Variants in ORC5 observed in about 807,000 individuals in gnomAD.
ORC5 encodes the protein origin recognition complex subunit 5.
In ORC5, 39 loss-of-function variants were observed where a neutral mutation model predicts 58.8. The ratio of observed to expected loss-of-function variants is 0.66; its 90% CI spans 0.51 to 0.87. The LOEUF (loss-of-function observed/expected upper bound fraction) is 0.87, where lower values mean the gene tolerates loss of function less well. Ranked by LOEUF, ORC5 falls within the 40% of genes least tolerant of loss-of-function variation. ORC5 has a pLI of 0.00. For synonymous variants in ORC5, 218 were observed against 177.6 expected, an observed-to-expected ratio of 1.23 and a Z score of -1.81; for missense variants, 493 against 506.3, an observed-to-expected ratio of 0.97 and a Z score of 0.25.
intron 8 of ORC5, among the ~76,000 whole-genome samples, chr7:104,178,497 C>A (rs1381016794): frequency 6.6e-6 from 1 of 152,020 alleles, no homozygotes; most frequent in Non-Finnish European, 1.5e-5. Context: ...AAATTTTCTC[C>A]CATTCCATAG....
intron 1 of ORC5, among the ~76,000 whole-genome samples, chr7:104,205,182 C>A (rs182306139): frequency 2.0e-5 from 3 of 149,346 alleles, no homozygotes; most frequent in African/African-American, 7.4e-5. Context: ...CTCTGCCTCC[C>A]GGGTTTAAGC....
intron 12 of ORC5, among the ~76,000 whole-genome samples, chr7:104,148,807 G>T (rs984977272): frequency 4.6e-5 from 7 of 152,150 alleles, no homozygotes; most frequent in Non-Finnish European, 8.8e-5. Flanking sequence ...GCCGAGGCAG[G>T]CAGATCACTT....
chr7:104,189,031 A>G (rs1799613895), intron 5 of ORC5, among the ~76,000 whole-genome samples: 1 of 152,128 alleles, frequency 6.6e-6, no homozygotes, highest in Non-Finnish European at 1.5e-5. Context: ...TTATAAATTT[A>G]TAAATTACCC....
chr7:104,172,561 AT>A (rs760531947), intron 8 of ORC5, among the ~76,000 whole-genome samples: 2 of 152,242 alleles, frequency 1.3e-5, no homozygotes, highest in Non-Finnish European at 2.9e-5. Flanking sequence ...GGTAAAAAAA[AT>A]TGACTAGAAA....
intron 8 of ORC5, 41 bp from the exon 9 acceptor site, chr7:104,168,566 T>A (rs1381061030): frequency 7.7e-7 from 1 of 1,298,456 alleles, no homozygotes; most frequent in East Asian, 2.4e-5. Context: ...TAAAAATAAA[T>A]AAAATCAATA....
chr7:104,194,988 T>C (rs563869492), intron 5 of ORC5, among the ~76,000 whole-genome samples, 155 bp downstream of exon 5: 3 of 123,034 alleles, frequency 2.4e-5, no homozygotes, highest in South Asian at 5.1e-4. Flanking sequence ...CATTTCAATA[T>C]CAAATTCCCA....
At chr7:104,169,530 C>A (rs1158576366) in intron 8 of ORC5, among the ~76,000 whole-genome samples, 2 of 151,888 alleles carry the variant, frequency 1.3e-5, no homozygotes, top group Non-Finnish European at 2.9e-5. Flanking sequence ...AAAAATAAGG[C>A]AGTTTGATGC....
At chr7:104,207,393 C>T (rs58327921) in intron 1 of ORC5, among the ~76,000 whole-genome samples, 2,763 of 152,290 alleles carry the variant, frequency 0.018, 73 homozygotes, top group African/African-American at 0.063. Flanking sequence ...TGAAGCACTG[C>T]TTTGGCCCTT....
chr7:104,195,684 T>C (rs11771421), intron 4 of ORC5, among the ~76,000 whole-genome samples: 9,230 of 152,282 alleles, frequency 0.061, 374 homozygotes, highest in South Asian at 0.17. Flanking sequence ...AGCCATCATA[T>C]TGGATCTGAT....
chr7:104,182,507 A>G (rs1306630841), intron 8 of ORC5, among the ~76,000 whole-genome samples: 1 of 151,918 alleles, frequency 6.6e-6, no homozygotes, highest in Non-Finnish European at 1.5e-5. Context: ...CCTTAATACA[A>G]TTGTTGCTCA....
chr7:104,165,298 A>G lies in ORC5; in HGVS notation c.991-16T>C. On this transcript the variant is annotated splice_polypyrimidine_tract_variant and intron_variant, in intron 10 of 13. Transcript: ENST00000297431. Reference sequence around the variant, plus strand: ...TTCCATGATGCTGCAATTAAGGAAAACAAATTTTAAGTTGAAAAGACAGTA... The same window carrying G: ...TTCCATGATGCTGCAATTAAGGAAAGCAAATTTTAAGTTGAAAAGACAGTA... 6.8e-7 allele frequency: 1 copy of G among 1,472,748 alleles called. No homozygotes were observed. Among genetic ancestry groups the G allele is most frequent in the Non-Finnish European group, 9.4e-7 (1 of 1,068,888 alleles). 91.2% of individuals were successfully genotyped at this position (1,472,748 alleles called of 1,614,324 possible). A position where few individuals can be genotyped will look rare whatever the true frequency, so the allele number is the denominator to read the frequency against.
intron 1 of ORC5, among the ~76,000 whole-genome samples, chr7:104,206,532 A>C (rs1487248940): frequency 1.3e-5 from 2 of 152,204 alleles, no homozygotes; most frequent in Admixed American, 1.3e-4. Flanking sequence ...TGCTCCAGTA[A>C]TAATATAACT....
intron 8 of ORC5, among the ~76,000 whole-genome samples, chr7:104,169,647 T>G (rs1307669779): frequency 6.6e-6 from 1 of 152,112 alleles, no homozygotes; most frequent in Admixed American, 6.5e-5. Context: ...ATATCCAAAA[T>G]CTGCATGAAG....
intron 12 of ORC5, among the ~76,000 whole-genome samples, chr7:104,150,054 A>AT (rs1010898332): frequency 1.6e-4 from 24 of 151,502 alleles, no homozygotes; most frequent in African/African-American, 1.7e-4. Context: ...CACAGTGAGG[A>AT]TTTTTTTTTC....
intron 2 of ORC5, chr7:104,202,544 C>T (rs762305670): frequency 8.8e-6 from 4 of 455,976 alleles, no homozygotes; most frequent in Non-Finnish European, 1.8e-5. Context: ...TGTCTGAGTC[C>T]CTGTATCAGA....
intron 13 of ORC5, among the ~76,000 whole-genome samples, chr7:104,134,469 C>T (rs1275933195): frequency 6.8e-6 from 1 of 146,486 alleles, no homozygotes; most frequent in Non-Finnish European, 1.5e-5. Flanking sequence ...GTCTGGATAC[C>T]AGGTGCCCTA....
chr7:104,201,226 A>G (rs1284130335), intron 2 of ORC5, among the ~76,000 whole-genome samples: 1 of 152,188 alleles, frequency 6.6e-6, no homozygotes, highest in African/African-American at 2.4e-5. Context: ...GACTCCCACC[A>G]TGACCCCTCA....
chr7:104,163,215 A>C (rs148647902), intron 11 of ORC5, among the ~76,000 whole-genome samples: 226 of 152,328 alleles, frequency 1.5e-3, no homozygotes, highest in African/African-American at 5.0e-3. Flanking sequence ...TCTCTGACAC[A>C]CAAGAAGACT....
chr7:104,182,342 A>G (rs1799451709), intron 8 of ORC5, among the ~76,000 whole-genome samples: 1 of 152,214 alleles, frequency 6.6e-6, no homozygotes, highest in African/African-American at 2.4e-5. Context: ...ACTCCACATC[A>G]TAATGAGACT....
Sources: gnomAD v4.1 joint callset for allele counts (sites outside exome capture counted in the v4.1 genomes callset) on GRCh38, gnomAD v4.1.1 for gene constraint, MANE v1.5 for transcripts, NCBI Gene and HGNC (gene_info 2026-07-23, HGNC 2026-07-21) for gene names.